The following SUCO variants were observed in gnomAD, a reference collection of about 807,000 sequenced individuals.
SUCO encodes the protein SUN domain containing ossification factor.
SUCO carries 57 observed loss-of-function variants against 148.1 expected under a neutral mutation model. The observed-to-expected ratio is 0.38, with a 90% CI of 0.31 to 0.48. The LOEUF is 0.48. Ranked by LOEUF, SUCO falls within the 20% of genes least tolerant of loss-of-function variation. The pLI is 0.96. For synonymous variants in SUCO, 470 were observed against 502.7 expected, an observed-to-expected ratio of 0.93 and a Z score of 0.87; for missense variants, 1,331 against 1,468.2, an observed-to-expected ratio of 0.91 and a Z score of 1.53.
intron 6 of SUCO, among the ~76,000 whole-genome samples, chr1:172,559,537 G>A (rs527491773): frequency 4.3e-4 from 66 of 152,294 alleles, no homozygotes; most frequent in African/African-American, 1.5e-3. Flanking sequence ...TAATTGAAGC[G>A]GCAGTGTACA....
chr1:172,584,633 C>T (rs536652065), intron 15 of SUCO, among the ~76,000 whole-genome samples: 3 of 152,048 alleles, frequency 2.0e-5, no homozygotes, highest in Admixed American at 1.3e-4. Context: ...ATTAGCTGGA[C>T]GTGGTGGCAT....
chr1:172,593,908 A>C (rs926683051), intron 19 of SUCO, among the ~76,000 whole-genome samples: 33 of 152,098 alleles, frequency 2.2e-4, no homozygotes, highest in African/African-American at 7.2e-4. Context: ...CTGGTCCTGG[A>C]CTTTTTTTGG....
At chr1:172,548,499 T>C (rs1653035466) in intron 1 of SUCO, among the ~76,000 whole-genome samples, 1 of 152,060 alleles carries the variant, frequency 6.6e-6, no homozygotes, top group Non-Finnish European at 1.5e-5. Context: ...GCTCTTTTGT[T>C]TTCAGCATTT....
intron 12 of SUCO, 77 bp downstream of exon 12, chr1:172,577,636 T>C: frequency 1.3e-6 from 2 of 1,584,324 alleles, no homozygotes; most frequent in Non-Finnish European, 1.7e-6. Context: ...TTACAAGTAT[T>C]GATTTTGGGG....
At chr1:172,583,532 G>A (rs1486067104) in intron 15 of SUCO, among the ~76,000 whole-genome samples, 1 of 152,074 alleles carries the variant, frequency 6.6e-6, no homozygotes, top group East Asian at 1.9e-4. Context: ...TGAGCTCCAG[G>A]CAGCACTCTT....
At chr1:172,590,935 G>A (rs775135029) in intron 18 of SUCO, 49 bp from the exon 19 acceptor site, 5 of 1,316,072 alleles carry the variant, frequency 3.8e-6, no homozygotes, top group Non-Finnish European at 5.4e-6. Context: ...ATTACTAAGT[G>A]GAATAAGTAA....
At chr1:172,596,313 T>C (rs1171232489) in intron 19 of SUCO, among the ~76,000 whole-genome samples, 1 of 152,238 alleles carries the variant, frequency 6.6e-6, no homozygotes, top group African/African-American at 2.4e-5. Flanking sequence ...CATCCAGCTT[T>C]GTTCTGTTGC....
At chr1:172,597,553 T>G (rs963088084) in intron 19 of SUCO, among the ~76,000 whole-genome samples, 6 of 152,256 alleles carry the variant, frequency 3.9e-5, no homozygotes, top group African/African-American at 1.4e-4. Flanking sequence ...GATAATCTTA[T>G]TGACTGCAAG....
chr1:172,594,377 A>G (rs540274630), intron 19 of SUCO, among the ~76,000 whole-genome samples: 1 of 151,986 alleles, frequency 6.6e-6, no homozygotes, highest in South Asian at 2.1e-4. Context: ...ATGTTAGGGT[A>G]TCAATTTTAG....
intron 2 of SUCO, chr1:172,552,551 G>A: frequency 1.3e-6 from 1 of 779,814 alleles, no homozygotes; most frequent in South Asian, 5.8e-5. Flanking sequence ...ATACTTGAGG[G>A]TTTTTTGGGC....
chr1:172,600,244 A>C (rs1206217147), intron 20 of SUCO, 76 bp downstream of exon 20: 7 of 1,030,976 alleles, frequency 6.8e-6, no homozygotes, highest in African/African-American at 1.7e-5. Flanking sequence ...GTTAACATGA[A>C]CATGGTACCT....
chr1:172,589,355 T>G lies in SUCO; in HGVS notation c.2254T>G (p.Ser752Ala). 1 of 1,613,640 alleles carries G rather than the reference T, an allele frequency of 6.2e-7. No individual in the cohort carries two copies. ...CTTGCCTAAAATAGAAGTATCTGAG[T>G]CTGTTGAATATGAGGCAGGACATAT... ...NPLPKIEVSESVEYEAGHIPS... is the reference protein window; with the variant it reads ...NPLPKIEVSEAVEYEAGHIPS... Residue 752 changes from serine to alanine, a missense_variant, in exon 18 of 24, where the codon TCT becomes GCT. By Grantham distance (99) the Ser-to-Ala change is moderately conservative (BLOSUM62 1). This residue lies in a region of SUCO where 992 missense variants were observed against 1,093.5 expected (regional missense o/e 0.91). Coordinates refer to ENST00000263688, the MANE Select transcript of SUCO (RefSeq NM_014283.5).
chr1:172,540,145 T>C (rs1316822988), intron 1 of SUCO, among the ~76,000 whole-genome samples: 1 of 152,220 alleles, frequency 6.6e-6, no homozygotes, highest in Non-Finnish European at 1.5e-5. Context: ...GTTAAGTTCT[T>C]AACAGCTTGC....
At chr1:172,575,709 A>G in intron 11 of SUCO, 86 bp downstream of exon 11, 1 of 847,956 alleles carries the variant, frequency 1.2e-6, no homozygotes, top group Admixed American at 2.4e-5. Context: ...TTTAGAAATC[A>G]GAAAAGTTAA....
At chr1:172,553,171 A>T in intron 2 of SUCO, 89 bp from the exon 3 acceptor site, 2 of 1,360,920 alleles carry the variant, frequency 1.5e-6, no homozygotes, top group Non-Finnish European at 1.9e-6. Context: ...TTTGGTTTTA[A>T]AGTATGGAAA....
chr1:172,608,045 G>A (rs529366535), intron 22 of SUCO: 4 of 982,116 alleles, frequency 4.1e-6, no homozygotes, highest in African/African-American at 3.5e-5. Flanking sequence ...TATTTTGTCA[G>A]TGTGGGGGTG....
chr1:172,566,721 A>C (rs1654580987), intron 6 of SUCO, among the ~76,000 whole-genome samples: 1 of 152,224 alleles, frequency 6.6e-6, no homozygotes, highest in Admixed American at 6.5e-5. Flanking sequence ...AATGGTGGTA[A>C]CTTCCAGGTT....
chr1:172,589,253 G>A lies in SUCO; in HGVS notation c.2152G>A (p.Ala718Thr). The A allele has an allele frequency of 6.2e-7, 1 of 1,613,852 alleles. No homozygotes were observed. The highest frequency in any genetic ancestry group is 8.5e-7 in the Non-Finnish European group (1 of 1,179,872). ...QDDLVNHTVD[A>T]VELEPSHSQT... ...TGACTTGGTGAATCACACTGTAGAT[G>A]CAGTTGAACTTGAACCAAGCCATTC... Residue 718 changes from alanine to threonine, a missense_variant, in exon 18 of 24, where the codon GCA becomes ACA. Coordinates refer to ENST00000263688, the MANE Select transcript of SUCO (RefSeq NM_014283.5).
chr1:172,554,421 G>A (rs1164250973), intron 3 of SUCO, among the ~76,000 whole-genome samples: 1 of 152,096 alleles, frequency 6.6e-6, no homozygotes, highest in African/African-American at 2.4e-5. Flanking sequence ...CTTGAAATGC[G>A]GCTAGTCCAA....
Sources: allele counts gnomAD v4.1 joint callset (sites outside exome capture counted in the v4.1 genomes callset), GRCh38; gene constraint gnomAD v4.1.1; regional missense constraint gnomAD v4.1.1; transcripts MANE v1.5; gene names NCBI Gene and HGNC (gene_info 2026-07-23, HGNC 2026-07-21).